The following KANSL3 variants were observed in gnomAD, a reference collection of about 807,000 sequenced individuals.
KANSL3 encodes the protein NSL complex protein NSL3.
KANSL3 carries 16 observed loss-of-function variants against 89.2 expected under a neutral mutation model. That is an observed-to-expected ratio of 0.18 (90% CI 0.12 to 0.27). The LOEUF is 0.27. Among genes scored for constraint, KANSL3 ranks in the 10% least tolerant of loss-of-function variants. The pLI is 1.00. For missense variants in KANSL3, 879 were observed against 1,110.6 expected, an observed-to-expected ratio of 0.79 and a Z score of 2.96; for synonymous variants, 385 against 419.7, an observed-to-expected ratio of 0.92 and a Z score of 1.01.
chr2:96,604,715 A>C (rs1305630833), intron 16 of KANSL3, 64 bp downstream of exon 16: 1 of 1,413,262 alleles, frequency 7.1e-7, no homozygotes, highest in Non-Finnish European at 9.8e-7. Flanking sequence ...CAAAGCACTA[A>C]ATAAACCAGA....
intron 20 of KANSL3, chr2:96,600,577 T>C (rs2067031871): frequency 1.0e-6 from 1 of 985,082 alleles, no homozygotes; most frequent in Admixed American, 6.2e-5. Flanking sequence ...CACAAGCAGG[T>C]TGACATGGTG....
At chr2:96,603,576 G>C (rs1435655710) in intron 17 of KANSL3, 1 of 152,576 alleles carries the variant, frequency 6.6e-6, no homozygotes, top group Non-Finnish European at 1.5e-5. Flanking sequence ...GAGTCACCAT[G>C]CCTGGCCAGG....
In KANSL3 at chr2:96,593,600, A is replaced by T. The variant is rs1053686662; in HGVS notation, c.*2011T>A. 1 of 306,716 alleles carries T rather than the reference A, an allele frequency of 3.3e-6. No individual in the cohort carries two copies. Among genetic ancestry groups the T allele is most frequent in the African/African-American group, 2.2e-5 (1 of 46,196 alleles). The allele number at this position is 306,716 out of a possible 1,614,324, so 19.0% of individuals were successfully genotyped here. On this transcript the variant is annotated 3_prime_UTR_variant, in exon 21 of 21. Transcript: ENST00000431828. ...CCTTCTTCAGTTGTGGAGTTCTTCA[A>T]GGTGGACAGATCACACCTCAGGAAG...
At chr2:96,584,042 T>C in the KANSL3 span, among the ~76,000 whole-genome samples, 8 of 152,244 alleles carry the variant, frequency 5.3e-5, no homozygotes, top group Non-Finnish European at 1.2e-4. Context: ...AGCCTGCAAA[T>C]ATTTATTACA....
chr2:96,603,262 C>T (rs760349688), intron 17 of KANSL3: 19 of 160,814 alleles, frequency 1.2e-4, no homozygotes, highest in Admixed American at 1.2e-4. Flanking sequence ...GAAAGGTTCT[C>T]TTAAAGGAAA....
At chr2:96,585,821 A>G in the KANSL3 span, among the ~76,000 whole-genome samples, 1 of 152,236 alleles carries the variant, frequency 6.6e-6, no homozygotes, top group African/African-American at 2.4e-5. Context: ...ACCAACCTGG[A>G]TGGAGCTGAA....
chr2:96,608,393 G>A (rs936409751), intron 14 of KANSL3, 115 bp downstream of exon 14: 1 of 992,238 alleles, frequency 1.0e-6, no homozygotes, highest in Non-Finnish European at 1.5e-6. Context: ...ATGTGAGAAA[G>A]GGCGCCTCTC....
chr2:96,621,188 A>G (rs1053028003), intron 3 of KANSL3, among the ~76,000 whole-genome samples: 2 of 152,140 alleles, frequency 1.3e-5, no homozygotes, highest in African/African-American at 4.8e-5. Flanking sequence ...CAGATGGAAG[A>G]AAAAGAAGAC....
rs2074561150 is a variant in KANSL3 at position 96,638,287 on chromosome 2, G to A, written c.-55C>T. 2 of 152,224 alleles carry A rather than the reference G, an allele frequency of 1.3e-5. No homozygotes were observed. Among genetic ancestry groups the A allele is most frequent in the South Asian group, 4.1e-4 (2 of 4,834 alleles). The allele number at this position is 152,224 out of a possible 1,614,324, so 9.4% of individuals were successfully genotyped here. On this transcript the variant is annotated 5_prime_UTR_variant, in exon 1 of 21. Transcript: ENST00000431828. ...CGAAGCCAACGCTGCTCTCACCCGC[G>A]GTCTTACGGCCGCGCGCTCGGCCAC... is the stretch of plus-strand genomic sequence containing the variant.
At chr2:96,589,173 G>A (rs1394242740), downstream of KANSL3, among the ~76,000 whole-genome samples, 1 of 151,998 alleles carries the variant, frequency 6.6e-6, no homozygotes, top group Non-Finnish European at 1.5e-5. Flanking sequence ...AACAAAAAAT[G>A]GAAAACAAAA....
intron 7 of KANSL3, 101 bp from the exon 8 acceptor site, chr2:96,612,664 A>T: frequency 8.4e-7 from 1 of 1,188,552 alleles, no homozygotes; most frequent in Non-Finnish European, 1.2e-6. Context: ...TTCCACATGA[A>T]AGAAGGATTA....
chr2:96,595,506 G>C lies in KANSL3; in HGVS notation c.*105C>G, dbSNP rs2066452231. 1.6e-6 allele frequency: 2 copies of C among 1,242,522 alleles called. No individual in the cohort carries two copies. The highest frequency in any genetic ancestry group is 2.3e-6 in the Non-Finnish European group (2 of 869,218). The allele number at this position is 1,242,522 out of a possible 1,614,324, so 77.0% of individuals were successfully genotyped here. ...GAGGCAAAAATGACTGTCTTAAACAGGTCTTCCGACACGTGGACAGCTCAG... is the reference window on the plus strand; with the variant it reads ...GAGGCAAAAATGACTGTCTTAAACACGTCTTCCGACACGTGGACAGCTCAG... On this transcript the variant is annotated 3_prime_UTR_variant, in exon 21 of 21. Coordinates refer to ENST00000431828, the MANE Select transcript of KANSL3 (RefSeq NM_001115016.3).
chr2:96,605,776 G>T (rs1020527934), intron 14 of KANSL3: 1 of 259,800 alleles, frequency 3.8e-6, no homozygotes, highest in Non-Finnish European at 7.4e-6. Flanking sequence ...GAAGAGAAGG[G>T]GCCCTGAGTT....
At position 96,611,903 on chromosome 2, in the gene KANSL3, A is replaced by ATATATGTGTGTGTGTGTGTGTG. The variant is rs376030964; in HGVS notation, c.1086+378_1086+379insCACACACACACACACACATATA. Among the ~76,000 whole-genome samples the ATATATGTGTGTGTGTGTGTGTG allele has an allele frequency of 8.8e-5, 10 of 113,328 alleles. No homozygotes were observed. The East Asian group carries it at 2.0e-3, about 23-fold the overall frequency. 74.3% of individuals were successfully genotyped at this position (113,328 alleles called of 152,430 possible). A position where few individuals can be genotyped will look rare whatever the true frequency, so the allele number is the denominator to read the frequency against. On this transcript the variant is annotated intron_variant, in intron 9 of 20. Transcript: ENST00000431828. ...TTTTTTTCCACAGATATATACCCAT[A>ATATATGTGTGTGTGTGTGTGTG]TGTGTGTGTGTGTGTGTGTGTGTGT...
chr2:96,593,298 C>A lies in KANSL3; in HGVS notation c.*2313G>T, dbSNP rs979738605. The A allele has an allele frequency of 2.2e-6, 1 of 456,070 alleles. No homozygotes were observed. Among genetic ancestry groups the A allele is most frequent in the Non-Finnish European group, 4.4e-6 (1 of 226,780 alleles). 28.3% of individuals were successfully genotyped at this position (456,070 alleles called of 1,614,324 possible). A position where few individuals can be genotyped will look rare whatever the true frequency, so the allele number is the denominator to read the frequency against. ...AACCAAGAGTAGACAGGTCTTCCTA[C>A]CTCAGTGACCTCAAAACACAAGGAC... On this transcript the variant is annotated 3_prime_UTR_variant, in exon 21 of 21. Coordinates refer to ENST00000431828, the MANE Select transcript of KANSL3 (RefSeq NM_001115016.3).
the KANSL3 span, among the ~76,000 whole-genome samples, chr2:96,585,631 A>G: frequency 6.6e-6 from 1 of 152,190 alleles, no homozygotes; most frequent in Admixed American, 6.5e-5. Context: ...CCAAAGGAAA[A>G]TAGTCATTAT....
At chr2:96,625,067 G>A (rs1384055536) in intron 3 of KANSL3, among the ~76,000 whole-genome samples, 3 of 151,952 alleles carry the variant, frequency 2.0e-5, no homozygotes, top group African/African-American at 7.3e-5. Flanking sequence ...AAACTTAGCT[G>A]GGCATGGTGG....
downstream of KANSL3, among the ~76,000 whole-genome samples, chr2:96,589,422 G>C (rs923047565): frequency 6.6e-6 from 1 of 152,100 alleles, no homozygotes; most frequent in African/African-American, 2.4e-5. Context: ...AAATAAAGTA[G>C]ACTTCATGGC....
In KANSL3 at chr2:96,605,380, T is replaced by C. The variant is rs531213429; in HGVS notation, c.1873A>G (p.Ile625Val). 1.9e-5 allele frequency: 30 copies of C among 1,613,878 alleles called. No homozygotes were observed. The South Asian group carries it at 3.1e-4, about 17-fold the overall frequency. ...SKRPKIKVSL[I>V]SQGDTAGGPC... ...CCTCCAGCTGTGTCCCCTTGGGAGA[T>C]AAGGGACACCTTGATCTTCGGTCGT... is the stretch of plus-strand genomic sequence containing the variant. Residue 625 changes from isoleucine to valine, a missense_variant, in exon 15 of 21, where the codon ATC (isoleucine) becomes GTC (valine). By Grantham distance (29) the Ile-to-Val change is conservative (BLOSUM62 3). Transcript: ENST00000431828.
Sources: allele counts gnomAD v4.1 joint callset (sites outside exome capture counted in the v4.1 genomes callset), GRCh38; gene constraint gnomAD v4.1.1; transcripts MANE v1.5; gene names NCBI Gene and HGNC (gene_info 2026-07-23, HGNC 2026-07-21).